The following SLC16A7 variants were observed in gnomAD, a reference collection of about 807,000 sequenced individuals.
SLC16A7 encodes monocarboxylate transporter 2.
SLC16A7 carries 33 observed loss-of-function variants against 34.9 expected under a neutral mutation model. The ratio of observed to expected loss-of-function variants is 0.94; its 90% CI spans 0.72 to 1.26. The LOEUF (loss-of-function observed/expected upper bound fraction) is 1.26. Ranked by LOEUF, SLC16A7 falls within the 50% of genes most tolerant of loss-of-function variation. The probability of loss-of-function intolerance (pLI) is 0.00; values close to 1 mark genes in which losing one functional copy is unlikely to be tolerated. For missense variants in SLC16A7, 573 were observed against 578.1 expected (o/e 0.99, Z 0.09); for synonymous variants, 201 against 206.6 (o/e 0.97, Z 0.23).
chr12:59,625,213 A>G (rs1879875269), intron 1 of SLC16A7, among the ~76,000 whole-genome samples: 1 of 151,816 alleles, frequency 6.6e-6, no homozygotes, highest in African/African-American at 2.4e-5. Flanking sequence ...ATGAGGCCTT[A>G]CAGGAATGAT....
chr12:59,596,411 T>C lies in SLC16A7; in HGVS notation c.-130+175T>C, dbSNP rs1291879087. ...CGCAGAGTTGGCCAGCGAGCCCTTATATAGACAAAAAAATCCCGAAGCGGC... is the reference window on the plus strand; with the variant it reads ...CGCAGAGTTGGCCAGCGAGCCCTTACATAGACAAAAAAATCCCGAAGCGGC... On this transcript the variant is annotated intron_variant, in intron 1 of 5. Transcript: ENST00000547379. This position sits in a 1 kb window ranked among gnomAD's most constrained non-coding sequence, Gnocchi z 5.0. 6.6e-5 allele frequency among the ~76,000 whole-genome samples: 10 copies of C among 151,752 alleles called. No individual in the cohort carries two copies. Among genetic ancestry groups the C allele is most frequent in the Admixed American group, 1.3e-4 (2 of 15,270 alleles).
At chr12:59,617,836 ACT>A (rs1166153063) in intron 1 of SLC16A7, among the ~76,000 whole-genome samples, 1 of 151,822 alleles carries the variant, frequency 6.6e-6, no homozygotes, top group Non-Finnish European at 1.5e-5. Context: ...TGATAGAATC[ACT>A]CTTTCTTCCC....
At chr12:59,749,404 T>C (rs544186234) in intron 3 of SLC16A7, among the ~76,000 whole-genome samples, 1 of 152,256 alleles carries the variant, frequency 6.6e-6, no homozygotes, top group South Asian at 2.1e-4. Context: ...TACTGGCAGT[T>C]TTTTTGATAT....
rs1878394248 is a variant in SLC16A7, at chr12:59,596,348, G to C, written c.-130+112G>C. ...GAGCTGCCCGCGGAGCCGCACGCGT[G>C]TGTGCAAATAATGGCCAGCCTGTGA... On this transcript the variant is annotated intron_variant, in intron 1 of 5. Coordinates refer to ENST00000547379, the MANE Select transcript of SLC16A7 (RefSeq NM_001270623.2). The surrounding 1 kb of genome is among the most constrained non-coding windows in gnomAD (Gnocchi z 5.0). 1 of 152,560 alleles carries C rather than the reference G, an allele frequency of 6.6e-6. No individual in the cohort carries two copies. Among genetic ancestry groups the C allele is most frequent in the Non-Finnish European group, 1.5e-5 (1 of 68,318 alleles). 9.5% of individuals were successfully genotyped at this position (152,560 alleles called of 1,614,324 possible).
intron 4 of SLC16A7, 99 bp downstream of exon 4, chr12:59,771,461 T>C (rs1882219002): frequency 1.2e-6 from 1 of 862,978 alleles, no homozygotes; most frequent in Admixed American, 3.0e-5. Context: ...TCTTTGAATT[T>C]ATTTTTTTAT....
At chr12:59,704,571 C>A (rs1361142249) in intron 2 of SLC16A7, among the ~76,000 whole-genome samples, 2 of 152,024 alleles carry the variant, frequency 1.3e-5, no homozygotes, top group Non-Finnish European at 2.9e-5. Context: ...AAATATTTAG[C>A]CCACAATAAT....
At chr12:59,597,198 C>A (rs530940959) in intron 1 of SLC16A7, 1 of 148,886 alleles carries the variant, frequency 6.7e-6, no homozygotes, top group Admixed American at 6.8e-5. Context: ...TTCTGTAGTT[C>A]CAATTCCAGG....
chr12:59,755,454 A>G (rs1312205254), intron 3 of SLC16A7, among the ~76,000 whole-genome samples: 1 of 152,214 alleles, frequency 6.6e-6, no homozygotes, highest in Non-Finnish European at 1.5e-5. Flanking sequence ...ATTCTTATAT[A>G]CCAATAACAG....
rs1472029830 is a variant in SLC16A7 at position 59,780,537 on chromosome 12, T to G, written c.*858T>G. 6.6e-6 allele frequency: 1 copy of G among 152,134 alleles called. No homozygotes were observed. Among genetic ancestry groups the G allele is most frequent in the Non-Finnish European group, 1.5e-5 (1 of 68,004 alleles). The allele number at this position is 152,134 out of a possible 1,614,324, so 9.4% of individuals were successfully genotyped here. A position where few individuals can be genotyped will look rare whatever the true frequency, so the allele number is the denominator to read the frequency against. On this transcript the variant is annotated 3_prime_UTR_variant, in exon 6 of 6. Transcript: ENST00000547379. ...ATTTTTAGAATTCTTACCTAATATG[T>G]AAAAGTCTGCATGACTCTTAACAAT...
intron 2 of SLC16A7, among the ~76,000 whole-genome samples, chr12:59,698,177 A>G (rs940860833): frequency 6.6e-5 from 10 of 151,802 alleles, no homozygotes; most frequent in Non-Finnish European, 1.5e-4. Context: ...TAATATTGAG[A>G]TAAGAATCTA....
At chr12:59,620,209 A>G (rs1879639929) in intron 1 of SLC16A7, among the ~76,000 whole-genome samples, 1 of 151,842 alleles carries the variant, frequency 6.6e-6, no homozygotes, top group Admixed American at 6.6e-5. Context: ...TTCCCTGCCT[A>G]TGAAAAAGGT....
At chr12:59,636,591 G>C (rs1880438448) in intron 1 of SLC16A7, among the ~76,000 whole-genome samples, 1 of 152,056 alleles carries the variant, frequency 6.6e-6, no homozygotes, top group Non-Finnish European at 1.5e-5. Flanking sequence ...TGTCTCCCAA[G>C]TAGCTGGGAC....
chr12:59,663,087 A>T (rs1285199401), intron 2 of SLC16A7, among the ~76,000 whole-genome samples: 1 of 152,108 alleles, frequency 6.6e-6, no homozygotes, highest in South Asian at 2.1e-4. Flanking sequence ...ATAATACAAA[A>T]TAAGTACAAA....
intron 1 of SLC16A7, among the ~76,000 whole-genome samples, chr12:59,639,008 C>T (rs1880555873): frequency 6.6e-6 from 1 of 152,058 alleles, no homozygotes; most frequent in African/African-American, 2.4e-5. Context: ...TTGAATAATT[C>T]TTTAAAAGTG....
intron 3 of SLC16A7, among the ~76,000 whole-genome samples, chr12:59,732,771 T>C (rs535002164): frequency 1.3e-5 from 2 of 152,344 alleles, no homozygotes; most frequent in East Asian, 3.9e-4. Context: ...ATTTATTAAA[T>C]TGACAGCTTT....
intron 1 of SLC16A7, among the ~76,000 whole-genome samples, chr12:59,620,802 A>C (rs1188486105): frequency 6.6e-6 from 1 of 151,826 alleles, no homozygotes; most frequent in African/African-American, 2.4e-5. Flanking sequence ...GAAACCAATA[A>C]AATTAGGCAC....
At chr12:59,628,675 C>A (rs559883757) in intron 1 of SLC16A7, among the ~76,000 whole-genome samples, 1 of 151,216 alleles carries the variant, frequency 6.6e-6, no homozygotes, top group African/African-American at 2.4e-5. Flanking sequence ...TGTGCATGTG[C>A]GTGTGTGTGT....
chr12:59,613,727 T>C (rs1049439815), intron 1 of SLC16A7, among the ~76,000 whole-genome samples: 2 of 152,184 alleles, frequency 1.3e-5, no homozygotes, highest in African/African-American at 4.8e-5. Flanking sequence ...AATACTTCAT[T>C]GTTAATTGAG....
At chr12:59,740,708 C>G in intron 3 of SLC16A7, among the ~76,000 whole-genome samples, 1 of 152,040 alleles carries the variant, frequency 6.6e-6, no homozygotes, top group Non-Finnish European at 1.5e-5. Context: ...AAGTTCTGGC[C>G]AGGGCAATCA....
Sources: gnomAD v4.1 joint callset for allele counts (sites outside exome capture counted in the v4.1 genomes callset) on GRCh38, gnomAD v4.1.1 for gene constraint, Gnocchi (gnomAD v3.1) non-coding constraint, MANE v1.5 for transcripts, NCBI Gene and HGNC (gene_info 2026-07-23, HGNC 2026-07-21) for gene names.